The following GTF2B variants were observed in gnomAD, a reference collection of about 807,000 sequenced individuals.
The protein encoded by GTF2B is transcription initiation factor IIB.
A neutral mutation model predicts 34.6 loss-of-function variants in GTF2B; 20 were observed. The observed-to-expected ratio is 0.58, with a 90% CI of 0.41 to 0.84. The LOEUF (loss-of-function observed/expected upper bound fraction) is 0.84, where lower values mean the gene tolerates loss of function less well. Among genes scored for constraint, GTF2B ranks in the 40% least tolerant of loss-of-function variants. The probability of loss-of-function intolerance (pLI) is 0.00; values close to 1 mark genes in which losing one functional copy is unlikely to be tolerated. For synonymous variants in GTF2B, 142 were observed against 132.4 expected, an observed-to-expected ratio of 1.07 and a Z score of -0.50; for missense variants, 237 against 393.3, an observed-to-expected ratio of 0.60 and a Z score of 3.36.
intron 3 of GTF2B, among the ~76,000 whole-genome samples, chr1:88,860,820 C>T (rs759581988): frequency 7.9e-5 from 12 of 152,132 alleles, no homozygotes; most frequent in Non-Finnish European, 1.3e-4. Flanking sequence ...CTCTCCTCTG[C>T]CCAAAGAAAG....
intron 3 of GTF2B, among the ~76,000 whole-genome samples, chr1:88,862,638 A>G (rs1000022599): frequency 6.6e-6 from 1 of 152,002 alleles, no homozygotes; most frequent in Non-Finnish European, 1.5e-5. Context: ...GCTGAAGACC[A>G]GGAGTTCAAG....
chr1:88,856,289 A>AAAAAAAAAAAAAAAG (rs1673310023), intron 6 of GTF2B, among the ~76,000 whole-genome samples: 3 of 92,990 alleles, frequency 3.2e-5, no homozygotes, highest in Admixed American at 1.0e-4. Flanking sequence ...AAAAAAAAAA[A>AAAAAAAAAAAAAAAG]ACAAAAAAAA....
At chr1:88,866,236 A>C (rs545550697) in intron 2 of GTF2B, among the ~76,000 whole-genome samples, 52 of 152,020 alleles carry the variant, frequency 3.4e-4, no homozygotes, top group Non-Finnish European at 5.7e-4. Context: ...GCGTGGTGGC[A>C]TGTGCCTGTA....
Position 88,860,191 on chromosome 1 carries a change from G to T in GTF2B, c.354C>A (p.Phe118Leu). The T allele has an allele frequency of 6.2e-7, 1 of 1,613,804 alleles. No homozygotes were observed. The highest frequency in any genetic ancestry group is 8.5e-7 in the Non-Finnish European group (1 of 1,179,726). Residue 118 changes from phenylalanine to leucine, a missense_variant, in exon 4 of 7, where the codon TTC becomes TTA. By Grantham distance (22) the Phe-to-Leu change is conservative (BLOSUM62 0). Transcript: ENST00000370500. ...SSSDRAMMNA[F>L]KEITTMADRI... Reference sequence around the variant, plus strand: ...TGTCTGCCATGGTAGTGATTTCTTTGAATGCATTCATCATTGCCCGATCAG... The same window carrying T: ...TGTCTGCCATGGTAGTGATTTCTTTTAATGCATTCATCATTGCCCGATCAG...
chr1:88,886,655 T>C (rs1471569949), intron 2 of GTF2B, among the ~76,000 whole-genome samples: 1 of 152,204 alleles, frequency 6.6e-6, no homozygotes, highest in East Asian at 1.9e-4. Context: ...AGCCCATCTC[T>C]CCAGTCCTCT....
At chr1:88,861,684 A>G (rs566013305) in intron 3 of GTF2B, among the ~76,000 whole-genome samples, 116 of 152,108 alleles carry the variant, frequency 7.6e-4, no homozygotes, top group African/African-American at 2.7e-3. Context: ...AAAACAAAAC[A>G]GGCCGAGTGT....
At chr1:88,874,497 ATTTT>A (rs56331310) in intron 2 of GTF2B, among the ~76,000 whole-genome samples, 4,932 of 83,504 alleles carry the variant, frequency 0.059, 256 homozygotes, top group African/African-American at 0.14. Flanking sequence ...AGCTAATTAA[ATTTT>A]TTTTTTTTTT....
chr1:88,882,265 G>A (rs542844640), intron 2 of GTF2B, among the ~76,000 whole-genome samples: 7 of 141,256 alleles, frequency 5.0e-5, no homozygotes, highest in Non-Finnish European at 1.0e-4. Context: ...AGCGGAGATC[G>A]TGCCACTGCA....
chr1:88,861,319 C>T (rs1368236693), intron 3 of GTF2B, among the ~76,000 whole-genome samples: 1 of 152,116 alleles, frequency 6.6e-6, no homozygotes, highest in Non-Finnish European at 1.5e-5. Flanking sequence ...GCCAATTTTC[C>T]CTGTGTCAAT....
At chr1:88,887,236 A>G in intron 2 of GTF2B, 25 bp downstream of exon 2, 1 of 1,450,444 alleles carries the variant, frequency 6.9e-7, no homozygotes, top group Non-Finnish European at 9.7e-7. Flanking sequence ...CAGTAATTTA[A>G]ATTAAAACCA....
intron 2 of GTF2B, among the ~76,000 whole-genome samples, chr1:88,867,549 A>T (rs1257638914): frequency 4.7e-5 from 6 of 126,550 alleles, no homozygotes; most frequent in Non-Finnish European, 4.6e-5. Flanking sequence ...ATTTTAAGCT[A>T]AAAAAAATCA....
intron 3 of GTF2B, among the ~76,000 whole-genome samples, chr1:88,862,155 C>G (rs575080336): frequency 7.9e-5 from 12 of 152,288 alleles, no homozygotes; most frequent in African/African-American, 2.9e-4. Flanking sequence ...TGGCATTTGA[C>G]TAACTGGACC....
In GTF2B at chr1:88,863,838, T is replaced by C. The variant is rs934075992; in HGVS notation, c.258+143A>G. The C allele has an allele frequency of 5.8e-6, 4 of 690,070 alleles. No individual in the cohort carries two copies. In the African/African-American group the frequency reaches 7.1e-5, roughly 12 times the overall value. 42.7% of individuals were successfully genotyped at this position (690,070 alleles called of 1,614,324 possible). Reference sequence around the variant, plus strand: ...GAATACACACACAAGTTAGCCATCATTCACAATGATATTACTGGCAAATCT... The same window carrying C: ...GAATACACACACAAGTTAGCCATCACTCACAATGATATTACTGGCAAATCT... On this transcript the variant is annotated intron_variant, in intron 3 of 6. Coordinates refer to ENST00000370500, the MANE Select transcript of GTF2B (RefSeq NM_001514.6).
intron 6 of GTF2B, 82 bp downstream of exon 6, chr1:88,857,124 C>A: frequency 7.7e-7 from 1 of 1,297,616 alleles, no homozygotes; most frequent in South Asian, 1.4e-5. Flanking sequence ...TTGCTATTTA[C>A]CCGGTTCAGA....
intron 2 of GTF2B, among the ~76,000 whole-genome samples, chr1:88,865,671 G>A (rs543886130): frequency 1.3e-5 from 2 of 152,270 alleles, no homozygotes; most frequent in African/African-American, 2.4e-5. Context: ...TGACCAACAT[G>A]GAGAAACCCT....
chr1:88,874,678 T>A (rs1005237139), intron 2 of GTF2B, among the ~76,000 whole-genome samples: 1 of 151,916 alleles, frequency 6.6e-6, no homozygotes, highest in African/African-American at 2.4e-5. Flanking sequence ...GAAGAGGAAT[T>A]TCCCAGAATT....
intron 5 of GTF2B, chr1:88,858,651 C>T (rs781419031): frequency 3.3e-5 from 5 of 151,998 alleles, no homozygotes; most frequent in Admixed American, 2.6e-4. Context: ...TTCACTTTTA[C>T]GTAAGAAAAC....
chr1:88,880,698 G>A (rs1194377812), intron 2 of GTF2B, among the ~76,000 whole-genome samples: 4 of 152,076 alleles, frequency 2.6e-5, no homozygotes, highest in African/African-American at 7.2e-5. Flanking sequence ...TAATGTACCT[G>A]AGTACCTACA....
intron 1 of GTF2B, among the ~76,000 whole-genome samples, chr1:88,888,299 T>C (rs1025431288): frequency 6.6e-6 from 1 of 152,192 alleles, no homozygotes; most frequent in Admixed American, 6.5e-5. Context: ...ATTCAGAATG[T>C]TAACTCTCAA....
Sources: gnomAD v4.1 joint callset for allele counts (sites outside exome capture counted in the v4.1 genomes callset) on GRCh38, gnomAD v4.1.1 for gene constraint, MANE v1.5 for transcripts, NCBI Gene and HGNC (gene_info 2026-07-23, HGNC 2026-07-21) for gene names.